Variants in CLTCL1 observed in about 807,000 individuals in gnomAD.
The protein encoded by CLTCL1 is clathrin heavy chain like 1.
A neutral mutation model predicts 190.0 loss-of-function variants in CLTCL1; 159 were observed. The observed-to-expected ratio is 0.84, with a 90% CI of 0.74 to 0.95. CLTCL1 has a LOEUF of 0.95. CLTCL1 is among the 40% of genes least tolerant of loss of function. The probability of loss-of-function intolerance (pLI) is 0.00; values close to 1 mark genes in which losing one functional copy is unlikely to be tolerated. For missense variants in CLTCL1, 1,878 were observed against 2,033.4 expected, an observed-to-expected ratio of 0.92 and a Z score of 1.47; for synonymous variants, 752 against 769.6, an observed-to-expected ratio of 0.98 and a Z score of 0.38.
chr22:19,235,929 A>G, intron 5 of CLTCL1, 60 bp from the exon 6 acceptor site: 1 of 1,388,870 alleles, frequency 7.2e-7, no homozygotes, highest in Non-Finnish European at 9.9e-7. Context: ...TGCGGGTAAA[A>G]AGAGCTCACA....
intron 22 of CLTCL1, among the ~76,000 whole-genome samples, chr22:19,202,157 G>T (rs73394638): frequency 0.07 from 10,687 of 151,992 alleles, 475 homozygotes; most frequent in East Asian, 0.14. Flanking sequence ...TGCCCCAGCT[G>T]GTGGCCCCAG....
chr22:19,232,925 G>A (rs2085960466), intron 9 of CLTCL1: 3 of 567,554 alleles, frequency 5.3e-6, no homozygotes, highest in Non-Finnish European at 9.1e-6. Context: ...GGAAGAGAGG[G>A]AGAGAAAAAA....
At chr22:19,219,839 G>A in intron 18 of CLTCL1, 46 bp downstream of exon 18, 1 of 1,607,692 alleles carries the variant, frequency 6.2e-7, no homozygotes, top group Non-Finnish European at 8.5e-7. Flanking sequence ...ATGATGATCG[G>A]ACGGCAAAAT....
chr22:19,265,721 A>C (rs2087101700), intron 2 of CLTCL1, among the ~76,000 whole-genome samples: 1 of 152,226 alleles, frequency 6.6e-6, no homozygotes, highest in Admixed American at 6.5e-5. Flanking sequence ...TACACAAAAT[A>C]GTAAAAAGAA....
At chr22:19,248,512 T>C (rs1284412442) in intron 3 of CLTCL1, among the ~76,000 whole-genome samples, 1 of 152,132 alleles carries the variant, frequency 6.6e-6, no homozygotes, top group Non-Finnish European at 1.5e-5. Flanking sequence ...TTTAGAACAC[T>C]TTCATCCTTT....
At chr22:19,248,974 G>T (rs1016774147) in intron 3 of CLTCL1, among the ~76,000 whole-genome samples, 1 of 152,160 alleles carries the variant, frequency 6.6e-6, no homozygotes, top group Non-Finnish European at 1.5e-5. Flanking sequence ...AGCGCCCCAA[G>T]ACCTTGTATT....
At chr22:19,230,811 TG>T (rs2085896119) in intron 10 of CLTCL1, among the ~76,000 whole-genome samples, 1 of 152,172 alleles carries the variant, frequency 6.6e-6, no homozygotes, top group African/African-American at 2.4e-5. Context: ...GCATTCCTTC[TG>T]GGTGTGTTTG....
chr22:19,193,004 C>T (rs2084564867), intron 26 of CLTCL1, among the ~76,000 whole-genome samples: 1 of 152,176 alleles, frequency 6.6e-6, no homozygotes. Context: ...TGATGTGGGG[C>T]TGAAGAGAAG....
intron 11 of CLTCL1, among the ~76,000 whole-genome samples, chr22:19,227,947 G>A (rs1373210780): frequency 6.6e-6 from 1 of 152,212 alleles, no homozygotes; most frequent in East Asian, 1.9e-4. Flanking sequence ...GGTCAACACA[G>A]CAGCCTTGCA....
In CLTCL1 at chr22:19,275,809, G is replaced by T. The variant is rs1555982994; in HGVS notation, c.64C>A (p.Pro22Thr). 2 of 1,602,798 alleles carry T rather than the reference G, an allele frequency of 1.2e-6. No individual in the cohort carries two copies. The highest frequency in any genetic ancestry group is 1.7e-6 in the Non-Finnish European group (2 of 1,174,584). The part of the protein sequence containing the change: ...HFQLQNLGIN[P>T]ANIGFSTLTM... ...AGTGTGCTGAATCCAATGTTAGCTG[G>T]ATTAATTCCAAGGTTTTGGAGCTAA... Residue 22 changes from proline (P) to threonine (T), a missense_variant, in exon 2 of 33, where the codon CCA becomes ACA. Transcript: ENST00000427926.
At chr22:19,210,782 C>A (rs1033263833) in intron 19 of CLTCL1, among the ~76,000 whole-genome samples, 2 of 152,168 alleles carry the variant, frequency 1.3e-5, no homozygotes, top group African/African-American at 4.8e-5. Context: ...TAGAGCCCAG[C>A]CTCTGGATCC....
intron 2 of CLTCL1, among the ~76,000 whole-genome samples, chr22:19,256,446 T>A (rs551300578): frequency 2.3e-5 from 3 of 132,012 alleles, no homozygotes; most frequent in Admixed American, 8.9e-5. Flanking sequence ...AGCCTCCACC[T>A]CCCAGGTTCA....
intron 17 of CLTCL1, among the ~76,000 whole-genome samples, chr22:19,221,006 G>A (rs2085550742): frequency 6.6e-6 from 1 of 152,158 alleles, no homozygotes; most frequent in South Asian, 2.1e-4. Flanking sequence ...CCAGGGAATT[G>A]CAGGCCTCTC....
Position 19,229,940 on chromosome 22 carries a change from C to T in CLTCL1, c.1680G>A (p.Gln560=). The stretch of plus-strand genomic sequence containing the variant: ...CATCCAATAAGAAGGAAGTACACTG[C>T]TGAATTAAACTGTTTTCCATGAAAA... ...VDIFMENSLI[Q]QCTSFLLDAL... The change falls in exon 11 of 33, where the codon CAG becomes CAA. Residue 560 remains glutamine (Q), a synonymous_variant. Coordinates refer to ENST00000427926, the MANE Select transcript of CLTCL1 (RefSeq NM_007098.4). 2 of 1,610,102 alleles carry T rather than the reference C, an allele frequency of 1.2e-6. No homozygotes were observed. Among genetic ancestry groups the T allele is most frequent in the Non-Finnish European group, 1.7e-6 (2 of 1,178,322 alleles).
At chr22:19,215,813 T>C (rs1386796310) in intron 19 of CLTCL1, among the ~76,000 whole-genome samples, 2 of 152,186 alleles carry the variant, frequency 1.3e-5, no homozygotes, top group Non-Finnish European at 2.9e-5. Flanking sequence ...GAGACCTTCA[T>C]AAAATGCCAG....
intron 1 of CLTCL1, among the ~76,000 whole-genome samples, chr22:19,290,731 T>A (rs2088080852): frequency 6.6e-6 from 1 of 152,258 alleles, no homozygotes. Flanking sequence ...TTCCTCGATG[T>A]ACTACTTTGT....
At chr22:19,281,468 G>T (rs1569258129) in intron 1 of CLTCL1, among the ~76,000 whole-genome samples, 1 of 152,120 alleles carries the variant, frequency 6.6e-6, no homozygotes, top group Non-Finnish European at 1.5e-5. Context: ...ATAACAAAGA[G>T]TTCTCTCTTG....
intron 13 of CLTCL1, among the ~76,000 whole-genome samples, chr22:19,224,261 G>C (rs1246198447): frequency 6.6e-6 from 1 of 152,062 alleles, no homozygotes; most frequent in Non-Finnish European, 1.5e-5. Flanking sequence ...GGTATACCTG[G>C]CATGTTTTGA....
chr22:19,223,849 C>T, intron 14 of CLTCL1, 42 bp downstream of exon 14: 2 of 1,609,350 alleles, frequency 1.2e-6, no homozygotes, highest in Non-Finnish European at 8.5e-7. Context: ...CACCTGCCAT[C>T]AGCAAGGGCA....
Sources: allele counts gnomAD v4.1 joint callset (sites outside exome capture counted in the v4.1 genomes callset), GRCh38; gene constraint gnomAD v4.1.1; transcripts MANE v1.5; gene names NCBI Gene and HGNC (gene_info 2026-07-23, HGNC 2026-07-21).